The following CRPPA variants were observed in gnomAD, a reference collection of about 807,000 sequenced individuals.
CRPPA encodes CDP-L-ribitol pyrophosphorylase A.
In CRPPA, 43 loss-of-function variants were observed where a neutral mutation model predicts 52.0. That is an observed-to-expected ratio of 0.83 (90% CI 0.65 to 1.07). The LOEUF (loss-of-function observed/expected upper bound fraction) is 1.07, where lower values mean the gene tolerates loss of function less well. Among genes scored for constraint, CRPPA ranks in the 50% least tolerant of loss-of-function variants. CRPPA has a pLI of 0.00. For missense variants in CRPPA, 629 were observed against 551.7 expected (o/e 1.14, Z -1.40); for synonymous variants, 250 against 203.5 (o/e 1.23, Z -1.94).
At chr7:16,334,541 A>G (rs951559618) in intron 3 of CRPPA, among the ~76,000 whole-genome samples, 2 of 152,026 alleles carry the variant, frequency 1.3e-5, no homozygotes, top group African/African-American at 4.8e-5. Flanking sequence ...ATCCCATAAG[A>G]CCTCACTCAG....
intron 2 of CRPPA, among the ~76,000 whole-genome samples, chr7:16,381,590 G>T (rs1787090765): frequency 6.6e-6 from 1 of 151,844 alleles, no homozygotes; most frequent in Non-Finnish European, 1.5e-5. Flanking sequence ...TGACAGTGGG[G>T]TGTTAAAGTC....
intron 9 of CRPPA, among the ~76,000 whole-genome samples, chr7:16,176,154 A>G (rs1044911594): frequency 6.6e-6 from 1 of 152,212 alleles, no homozygotes; most frequent in Admixed American, 6.6e-5. Flanking sequence ...ACTGCCCTTC[A>G]AAGCTACATT....
At chr7:16,128,018 A>C (rs1308246813) in intron 9 of CRPPA, among the ~76,000 whole-genome samples, 3 of 152,150 alleles carry the variant, frequency 2.0e-5, no homozygotes, top group African/African-American at 7.2e-5. Flanking sequence ...AGTGTTCTCA[A>C]GTATTATGTG....
At chr7:16,375,009 C>T (rs141225101) in intron 3 of CRPPA, among the ~76,000 whole-genome samples, 2 of 152,138 alleles carry the variant, frequency 1.3e-5, no homozygotes, top group Admixed American at 6.5e-5. Flanking sequence ...GTTCTCAGTC[C>T]TCACTTTTTA....
At chr7:16,328,923 C>G (rs951083978) in intron 3 of CRPPA, among the ~76,000 whole-genome samples, 4 of 152,128 alleles carry the variant, frequency 2.6e-5, no homozygotes, top group African/African-American at 7.2e-5. Context: ...TAACAGCACA[C>G]AGTTTGGGCC....
intron 3 of CRPPA, among the ~76,000 whole-genome samples, chr7:16,345,628 T>C (rs77368270): frequency 0.013 from 1,935 of 152,178 alleles, 47 homozygotes; most frequent in African/African-American, 0.044. Context: ...TATTGTTTAA[T>C]GAAAAAATGA....
At chr7:16,278,561 G>C (rs1784257636) in intron 5 of CRPPA, among the ~76,000 whole-genome samples, 1 of 152,180 alleles carries the variant, frequency 6.6e-6, no homozygotes, top group Non-Finnish European at 1.5e-5. Context: ...TTTATAAGGA[G>C]TCTCCCAGAA....
intron 8 of CRPPA, among the ~76,000 whole-genome samples, chr7:16,258,134 T>G (rs893321368): frequency 6.6e-6 from 1 of 151,940 alleles, no homozygotes; most frequent in African/African-American, 2.4e-5. Flanking sequence ...GCCATTTTAG[T>G]GAAGGAAAAA....
chr7:16,288,845 CAAAA>C (rs71007760), intron 5 of CRPPA, among the ~76,000 whole-genome samples: 5 of 34,838 alleles, frequency 1.4e-4, no homozygotes, highest in African/African-American at 5.7e-4. Flanking sequence ...GACTCTGCCT[CAAAA>C]AAAAAAAAAA....
intron 9 of CRPPA, among the ~76,000 whole-genome samples, chr7:16,124,655 G>A (rs926136835): frequency 6.6e-6 from 1 of 152,006 alleles, no homozygotes; most frequent in African/African-American, 2.4e-5. Flanking sequence ...GCACTACAGG[G>A]TAACTATAAC....
At chr7:16,366,379 A>G (rs971400966) in intron 3 of CRPPA, among the ~76,000 whole-genome samples, 1 of 152,194 alleles carries the variant, frequency 6.6e-6, no homozygotes, top group Non-Finnish European at 1.5e-5. Context: ...GTTCAATTAA[A>G]ACACAAATCA....
intron 9 of CRPPA, among the ~76,000 whole-genome samples, chr7:16,173,557 G>A (rs558867147): frequency 9.9e-5 from 15 of 151,970 alleles, no homozygotes; most frequent in East Asian, 1.9e-4. Flanking sequence ...TAAATAAACC[G>A]TTAAAACTAA....
Position 16,162,944 on chromosome 7 carries a change from T to C in CRPPA, c.1251+53122A>G, listed in dbSNP as rs1780939421. On this transcript the variant is annotated intron_variant, in intron 9 of 9. Transcript: ENST00000407010. ...TACCATTAGGTAATGCCCTTCTTTGTCTTTTTTTTTCTTTTTCTTTTTCTT... is the reference window on the plus strand; with the variant it reads ...TACCATTAGGTAATGCCCTTCTTTGCCTTTTTTTTTCTTTTTCTTTTTCTT... Among the ~76,000 whole-genome samples, 3 of 151,530 alleles carry C rather than the reference T, an allele frequency of 2.0e-5. No homozygotes were observed. In the South Asian group the frequency reaches 6.2e-4, roughly 31 times the overall value.
rs1787954486 is a variant in CRPPA at position 16,406,315 on chromosome 7, C to T, written c.280G>A (p.Val94Ile). 4.3e-6 allele frequency: 7 copies of T among 1,613,718 alleles called. No individual in the cohort carries two copies. Among genetic ancestry groups the T allele is most frequent in the Non-Finnish European group, 5.9e-6 (7 of 1,179,706 alleles). ...ATGTTCTCTCCAGTTACTGCCACAA[C>T]AATGTCCTTTATCCAACATACTCTA... is the stretch of plus-strand genomic sequence containing the variant. The part of the protein sequence containing the change: ...LERVCWIKDI[V>I]VAVTGENMEV... Residue 94 changes from valine (V) to isoleucine (I), a missense_variant, in exon 2 of 10, where the codon GTT becomes ATT. Transcript: ENST00000407010.
intron 9 of CRPPA, among the ~76,000 whole-genome samples, chr7:16,193,674 G>C (rs1288469168): frequency 6.6e-6 from 1 of 152,030 alleles, no homozygotes; most frequent in Non-Finnish European, 1.5e-5. Flanking sequence ...AATTTTATCT[G>C]TGTGTCTGTG....
intron 8 of CRPPA, among the ~76,000 whole-genome samples, chr7:16,239,830 G>A (rs1783058331): frequency 6.6e-6 from 1 of 152,014 alleles, no homozygotes; most frequent in African/African-American, 2.4e-5. Flanking sequence ...TTAAAATAGG[G>A]AAATAAATAG....
chr7:16,187,404 T>C (rs1202432773), intron 9 of CRPPA, among the ~76,000 whole-genome samples: 5 of 152,330 alleles, frequency 3.3e-5, no homozygotes, highest in Admixed American at 1.3e-4. Context: ...CAAAAAGACA[T>C]TTTATTAGCA....
intron 8 of CRPPA, among the ~76,000 whole-genome samples, chr7:16,239,559 C>CAAAAAAAAAAAAAAAAAAAAAAAAAAA (rs751232682): frequency 2.1e-5 from 1 of 47,618 alleles, no homozygotes; most frequent in Non-Finnish European, 3.9e-5. Flanking sequence ...AAGTCAATAG[C>CAAAAAAAAAAAAAAAAAAAAAAAAAAA]AAAAAAAAAA....
intron 9 of CRPPA, among the ~76,000 whole-genome samples, chr7:16,163,741 T>C (rs1780976112): frequency 6.6e-6 from 1 of 152,204 alleles, no homozygotes; most frequent in Non-Finnish European, 1.5e-5. Flanking sequence ...CATTTGCTGG[T>C]CTGTAAAGGA....
Sources: allele counts gnomAD v4.1 joint callset (sites outside exome capture counted in the v4.1 genomes callset), GRCh38; gene constraint gnomAD v4.1.1; transcripts MANE v1.5; gene names NCBI Gene and HGNC (gene_info 2026-07-23, HGNC 2026-07-21).